PAQR3: variants seen among roughly 807,000 people sequenced by gnomAD.
The protein encoded by PAQR3 is progestin and adipoQ receptor family member 3.
A neutral mutation model predicts 41.7 loss-of-function variants in PAQR3; 39 were observed. That is an observed-to-expected ratio of 0.93 (90% CI 0.72 to 1.22). The LOEUF (loss-of-function observed/expected upper bound fraction) is 1.22, where lower values mean the gene tolerates loss of function less well. Among genes scored for constraint, PAQR3 ranks in the 50% most tolerant of loss-of-function variants. The probability of loss-of-function intolerance (pLI) is 0.00; values close to 1 mark genes in which losing one functional copy is unlikely to be tolerated. For synonymous variants in PAQR3, 140 were observed against 140.6 expected (o/e 1.00, Z 0.03); for missense variants, 366 against 385.6 (o/e 0.95, Z 0.42).
downstream of PAQR3, chr4:78,911,167 G>A: frequency 6.2e-7 from 1 of 1,613,756 alleles, no homozygotes. Flanking sequence ...GCCCCAGCAA[G>A]AAAAGAATGA....
intron 5 of PAQR3, chr4:78,922,270 T>C: frequency 8.0e-7 from 1 of 1,250,702 alleles, no homozygotes; most frequent in Non-Finnish European, 1.0e-6. Flanking sequence ...CCATTCTTAT[T>C]TAAAGCTCAG....
chr4:78,887,370 T>G, intron 12 of PAQR3: 1 of 930,304 alleles, frequency 1.1e-6, no homozygotes, highest in Non-Finnish European at 1.7e-6. Flanking sequence ...AGTAAGACTC[T>G]GATGTTAGTT....
At chr4:78,921,786 G>A (rs1284055137) in intron 5 of PAQR3, 21 of 984,776 alleles carry the variant, frequency 2.1e-5, no homozygotes, top group Non-Finnish European at 2.3e-5. Context: ...AGTTTCTAAG[G>A]CATTTATATA....
intron 2 of PAQR3, among the ~76,000 whole-genome samples, chr4:78,934,262 T>C (rs1001996609): frequency 5.9e-5 from 9 of 152,220 alleles, no homozygotes; most frequent in African/African-American, 1.7e-4. Flanking sequence ...AAGTTTAAAC[T>C]TGAGTAAAAT....
chr4:78,918,180 C>A lies in PAQR3; in HGVS notation c.*2359G>T. Reference sequence around the variant, plus strand: ...GTAGGCAAAAAGCTTTTATAGTTCACACATTGGTAAAATTAAAACCAGTCT... The same window carrying A: ...GTAGGCAAAAAGCTTTTATAGTTCAAACATTGGTAAAATTAAAACCAGTCT... On this transcript the variant is annotated 3_prime_UTR_variant, in exon 6 of 6. Transcript: ENST00000512733. 1 of 943,744 alleles carries A rather than the reference C, an allele frequency of 1.1e-6. No individual in the cohort carries two copies. The highest frequency in any genetic ancestry group is 1.3e-6 in the Non-Finnish European group (1 of 791,886). The allele number at this position is 943,744 out of a possible 1,614,324, so 58.5% of individuals were successfully genotyped here. A position where few individuals can be genotyped will look rare whatever the true frequency, so the allele number is the denominator to read the frequency against.
intron 11 of PAQR3, among the ~76,000 whole-genome samples, chr4:78,900,640 T>C (rs1733950464): frequency 6.6e-6 from 1 of 152,250 alleles, no homozygotes. Flanking sequence ...ATGATCTTTC[T>C]GATTTATTTG....
downstream of PAQR3, chr4:78,910,559 G>T: frequency 7.3e-7 from 1 of 1,366,006 alleles, no homozygotes; most frequent in South Asian, 1.5e-5. Flanking sequence ...TAGTGCAAGA[G>T]GATTCTGAAA....
chr4:78,931,196 A>T (rs1276614502), intron 2 of PAQR3, among the ~76,000 whole-genome samples: 11 of 149,830 alleles, frequency 7.3e-5, no homozygotes, highest in Admixed American at 2.7e-4. Context: ...AAAAAAAAAA[A>T]AAAAAAAAAA....
At chr4:78,921,576 C>T in intron 5 of PAQR3, 6 of 789,016 alleles carry the variant, frequency 7.6e-6, no homozygotes, top group Non-Finnish European at 9.2e-6. Context: ...AGGATTACAA[C>T]AAATATTGAT....
intron 3 of PAQR3, 63 bp from the exon 4 acceptor site, chr4:78,926,781 T>C (rs1736283690): frequency 1.3e-6 from 2 of 1,498,056 alleles, no homozygotes; most frequent in Admixed American, 3.4e-5. Flanking sequence ...GAAAAAGTAA[T>C]TTTGGCTTTT....
intron 11 of PAQR3, among the ~76,000 whole-genome samples, chr4:78,902,290 TAAAG>T (rs1024887809): frequency 2.0e-5 from 3 of 152,196 alleles, no homozygotes; most frequent in Non-Finnish European, 2.9e-5. Context: ...TAACCTATTT[TAAAG>T]AAAAATTTAT....
intron 5 of PAQR3, chr4:78,922,292 C>G (rs1735732443): frequency 7.9e-7 from 1 of 1,270,768 alleles, no homozygotes; most frequent in South Asian, 1.3e-5. Context: ...GGTGAAAAAC[C>G]AAGTACACAA....
intron 2 of PAQR3, among the ~76,000 whole-genome samples, chr4:78,932,565 G>A (rs1214035221): frequency 2.0e-5 from 3 of 152,098 alleles, no homozygotes; most frequent in Non-Finnish European, 4.4e-5. Flanking sequence ...ATTGTTTAAC[G>A]CAAATGTCCA....
rs541722384 is a variant in PAQR3, at chr4:78,898,081, T to G, written c.*836+8027A>C. 4.0e-4 allele frequency among the ~76,000 whole-genome samples: 61 copies of G among 152,300 alleles called. 1 individual carries two copies. Among genetic ancestry groups the G allele is most frequent in the African/African-American group, 1.4e-3 (59 of 41,572 alleles). On this transcript the variant is annotated intron_variant and NMD_transcript_variant, in intron 11 of 12. Coordinates refer to the PAQR3 transcript ENST00000342820. ...ATGAATGCATGTGAACTTACAGGAA[T>G]GAAGAGGGCATTCAGAGCAGAGAGA...
At chr4:78,935,867 G>C (rs913870450) in intron 1 of PAQR3, among the ~76,000 whole-genome samples, 3 of 152,200 alleles carry the variant, frequency 2.0e-5, no homozygotes, top group African/African-American at 7.2e-5. Flanking sequence ...TTTAAGATAG[G>C]CATGCCAGAA....
downstream of PAQR3, among the ~76,000 whole-genome samples, chr4:78,907,070 G>A (rs184564239): frequency 3.3e-5 from 5 of 152,080 alleles, no homozygotes; most frequent in African/African-American, 4.8e-5. Context: ...TATCTAAAAT[G>A]CCGAAAAACT....
Position 78,930,083 on chromosome 4 carries a change from T to C in PAQR3, c.504+87A>G, listed in dbSNP as rs1736681450. ...CTATTTAGTCTATAAGTTAATTATG[T>C]ACTTATTCAGAAATTCAAAAGAACC... On this transcript the variant is annotated intron_variant, in intron 3 of 5. Transcript: ENST00000512733. The C allele has an allele frequency of 8.7e-6, 11 of 1,265,450 alleles. No homozygotes were observed. The East Asian group carries it at 2.3e-4, about 27-fold the overall frequency. The allele number at this position is 1,265,450 out of a possible 1,614,324, so 78.4% of individuals were successfully genotyped here.
chr4:78,928,930 G>C (rs751255443), intron 3 of PAQR3, among the ~76,000 whole-genome samples: 18 of 152,374 alleles, frequency 1.2e-4, no homozygotes, highest in Middle Eastern at 3.4e-3. Context: ...GCATTACATT[G>C]CACAACCTAA....
chr4:78,923,663 A>C, intron 5 of PAQR3, 194 bp downstream of exon 5: 2 of 591,970 alleles, frequency 3.4e-6, no homozygotes. Flanking sequence ...CACCTACTGG[A>C]CTCAACTCAC....
Sources: gnomAD v4.1 joint callset for allele counts (sites outside exome capture counted in the v4.1 genomes callset) on GRCh38, gnomAD v4.1.1 for gene constraint, MANE v1.5 for transcripts, NCBI Gene and HGNC (gene_info 2026-07-23, HGNC 2026-07-21) for gene names.